The following STAM variants were observed in gnomAD, a reference collection of about 807,000 sequenced individuals.
STAM encodes the protein signal transducing adaptor molecule.
STAM carries 16 observed loss-of-function variants against 63.4 expected under a neutral mutation model. The ratio of observed to expected loss-of-function variants is 0.25; its 90% CI spans 0.17 to 0.38. The LOEUF is 0.38. Among genes scored for constraint, STAM ranks in the 10% least tolerant of loss-of-function variants. The pLI, the probability that STAM is intolerant of heterozygous loss-of-function variation, is 1.00. For missense variants in STAM, 636 were observed against 657.1 expected, an observed-to-expected ratio of 0.97 and a Z score of 0.35; for synonymous variants, 238 against 223.9, an observed-to-expected ratio of 1.06 and a Z score of -0.56.
chr10:17,705,813 ATC>A, intron 12 of STAM, 72 bp downstream of exon 12: 1 of 1,467,236 alleles, frequency 6.8e-7, no homozygotes, highest in Non-Finnish European at 9.2e-7. Context: ...CATGCCTGTA[ATC>A]TCAGCAATTT....
At chr10:17,650,509 G>A (rs1366246770) in intron 1 of STAM, among the ~76,000 whole-genome samples, 1 of 152,130 alleles carries the variant, frequency 6.6e-6, no homozygotes, top group Admixed American at 6.5e-5. Context: ...CATACAAGTC[G>A]TGAACTTGGG....
At chr10:17,677,757 C>A (rs1554824811) in intron 2 of STAM, among the ~76,000 whole-genome samples, 2 of 152,094 alleles carry the variant, frequency 1.3e-5, no homozygotes, top group Admixed American at 6.5e-5. Context: ...TGTTGTTTCT[C>A]CCTTCACCAT....
Position 17,705,589 on chromosome 10 carries a change from A to G in STAM, c.1057A>G (p.Lys353Glu). The G allele has an allele frequency of 6.2e-7, 1 of 1,609,804 alleles. No homozygotes were observed. ...IDEKLEDIDR[K>E]HSELSELNVK... ...TCAAATTATTGTGTCATGTTTCAGA[A>G]AACATTCAGAACTCTCAGAACTTAA... Residue 353 changes from lysine to glutamate, a missense_variant and splice_region_variant, in exon 12 of 14, where the codon AAA becomes GAA. By Grantham distance (56) the Lys-to-Glu change is moderately conservative. Transcript: ENST00000377524.
chr10:17,705,134 C>G (rs1836201894), intron 11 of STAM, 110 bp downstream of exon 11: 1 of 832,936 alleles, frequency 1.2e-6, no homozygotes, highest in African/African-American at 1.7e-5. Context: ...GTGGAGGAAC[C>G]AACTCTCATT....
Position 17,644,382 on chromosome 10 carries a change from A to G in STAM, c.40+3A>G. ...CAATCCCTTCGATCAGGATGTTGGT[A>G]AGTGTTTTTGCCTCTCCCTGCCCAT... On this transcript the variant is annotated splice_donor_region_variant and intron_variant, in intron 1 of 13. Transcript: ENST00000377524. 1 of 1,613,994 alleles carries G rather than the reference A, an allele frequency of 6.2e-7. No individual in the cohort carries two copies. The highest frequency in any genetic ancestry group is 2.2e-5 in the East Asian group (1 of 44,854).
At chr10:17,672,302 A>G (rs1554824165) in intron 2 of STAM, among the ~76,000 whole-genome samples, 1 of 152,238 alleles carries the variant, frequency 6.6e-6, no homozygotes, top group Non-Finnish European at 1.5e-5. Context: ...TGGGCCATTC[A>G]AAGACATTTG....
chr10:17,689,128 A>AAAATC (rs1835424579), intron 5 of STAM, among the ~76,000 whole-genome samples: 1 of 152,238 alleles, frequency 6.6e-6, no homozygotes, highest in Non-Finnish European at 1.5e-5. Flanking sequence ...CATGTAGAAA[A>AAAATC]AAATCAAGAA....
At chr10:17,704,404 T>C (rs1554828922) in intron 9 of STAM, 27 bp from the exon 10 acceptor site, 2 of 1,595,180 alleles carry the variant, frequency 1.3e-6, no homozygotes, top group Non-Finnish European at 1.7e-6. Flanking sequence ...TTGGTAGCTT[T>C]TTATATTAAC....
chr10:17,681,651 T>G (rs889581845), intron 2 of STAM, among the ~76,000 whole-genome samples: 1 of 152,242 alleles, frequency 6.6e-6, no homozygotes, highest in African/African-American at 2.4e-5. Context: ...GGCTATCCTT[T>G]TGACTTATAT....
intron 12 of STAM, among the ~76,000 whole-genome samples, chr10:17,707,705 G>C (rs1182161865): frequency 2.0e-5 from 3 of 152,090 alleles, no homozygotes; most frequent in Admixed American, 6.5e-5. Flanking sequence ...AGACCCTTTG[G>C]ATCCCTGTGT....
chr10:17,703,023 A>G (rs565990758), intron 9 of STAM, among the ~76,000 whole-genome samples: 20 of 114,254 alleles, frequency 1.8e-4, no homozygotes, highest in South Asian at 5.1e-4. Flanking sequence ...AAAAAAAAAA[A>G]AAAAGAAAAG....
intron 1 of STAM, among the ~76,000 whole-genome samples, chr10:17,655,911 A>G (rs1554822077): frequency 6.6e-6 from 1 of 152,070 alleles, no homozygotes. Context: ...TTTGAAATAT[A>G]ATGATTTTTT....
At chr10:17,675,563 A>T (rs1554824562) in intron 2 of STAM, among the ~76,000 whole-genome samples, 5 of 152,016 alleles carry the variant, frequency 3.3e-5, no homozygotes, top group Non-Finnish European at 1.5e-5. Flanking sequence ...ATGATATTGT[A>T]GTTTATATAA....
At chr10:17,681,118 T>C (rs1237820835) in intron 2 of STAM, among the ~76,000 whole-genome samples, 2 of 151,934 alleles carry the variant, frequency 1.3e-5, no homozygotes, top group Non-Finnish European at 2.9e-5. Flanking sequence ...TTTCTCCACA[T>C]CTTTGTCAAC....
chr10:17,654,127 G>A (rs1833847269), intron 1 of STAM, among the ~76,000 whole-genome samples: 1 of 152,112 alleles, frequency 6.6e-6, no homozygotes. Context: ...TCAGAAGTAT[G>A]CTAGCCCTCT....
At chr10:17,671,266 A>G (rs782115452) in intron 2 of STAM, among the ~76,000 whole-genome samples, 28 of 152,222 alleles carry the variant, frequency 1.8e-4, no homozygotes, top group Non-Finnish European at 3.5e-4. Flanking sequence ...AGCATTTTAG[A>G]TGAAGATGTA....
chr10:17,676,495 G>A (rs2031515), intron 2 of STAM, among the ~76,000 whole-genome samples: 11,567 of 152,214 alleles, frequency 0.076, 522 homozygotes, highest in Admixed American at 0.11. Context: ...TGTGATTTGA[G>A]AAAAAGACAT....
In STAM at chr10:17,706,033, A is replaced by C. The variant is rs565193463; in HGVS notation, c.1209+292A>C. On this transcript the variant is annotated intron_variant, in intron 12 of 13. Transcript: ENST00000377524. ...CAGTGAGCCGTGTTCACACCACTGC[A>C]GTCTAGCCTGGGCAACAGCGACACC... 4.6e-5 allele frequency among the ~76,000 whole-genome samples: 7 copies of C among 152,246 alleles called. No homozygotes were observed. The East Asian group carries it at 9.6e-4, about 21-fold the overall frequency.
chr10:17,668,670 T>G (rs1185522100), intron 2 of STAM, among the ~76,000 whole-genome samples: 1 of 152,252 alleles, frequency 6.6e-6, no homozygotes, highest in Non-Finnish European at 1.5e-5. Context: ...TTTTACTGTT[T>G]ACAAGTTTAT....
Sources: allele counts gnomAD v4.1 joint callset (sites outside exome capture counted in the v4.1 genomes callset), GRCh38; gene constraint gnomAD v4.1.1; transcripts MANE v1.5; gene names NCBI Gene and HGNC (gene_info 2026-07-23, HGNC 2026-07-21).